SORCS3: variants seen among roughly 807,000 people sequenced by gnomAD.
SORCS3 encodes the protein sortilin related VPS10 domain containing receptor 3, also known as VPS10 domain-containing receptor SorCS3.
In SORCS3, 57 loss-of-function variants were observed where a neutral mutation model predicts 146.3. The ratio of observed to expected loss-of-function variants is 0.39; its 90% CI spans 0.31 to 0.49. The LOEUF (loss-of-function observed/expected upper bound fraction) is 0.49, where lower values mean the gene tolerates loss of function less well. Among genes scored for constraint, SORCS3 ranks in the 20% least tolerant of loss-of-function variants. The probability of loss-of-function intolerance (pLI) is 0.92; values close to 1 mark genes in which losing one functional copy is unlikely to be tolerated. For synonymous variants in SORCS3, 653 were observed against 618.5 expected (o/e 1.06, Z -0.83); for missense variants, 1,341 against 1,575.5 (o/e 0.85, Z 2.52).
intron 1 of SORCS3, among the ~76,000 whole-genome samples, chr10:104,648,774 C>T (rs2015525720): frequency 6.6e-6 from 1 of 152,110 alleles, no homozygotes; most frequent in Non-Finnish European, 1.5e-5. Context: ...GTTTATAGTA[C>T]ACTAATAAAT....
intron 20 of SORCS3, among the ~76,000 whole-genome samples, chr10:105,239,644 T>G (rs2119710979): frequency 6.6e-6 from 1 of 152,318 alleles, no homozygotes; most frequent in Middle Eastern, 3.4e-3. Flanking sequence ...CCCTGTGGGC[T>G]GGCTCTGTAG....
chr10:104,769,964 G>T (rs1218888072), intron 1 of SORCS3, among the ~76,000 whole-genome samples: 4 of 152,106 alleles, frequency 2.6e-5, no homozygotes, highest in African/African-American at 9.7e-5. Flanking sequence ...GCCCGAGAGC[G>T]AAACAGGCTC....
At chr10:104,968,648 G>T (rs937746228) in intron 3 of SORCS3, among the ~76,000 whole-genome samples, 2 of 152,128 alleles carry the variant, frequency 1.3e-5, no homozygotes, top group African/African-American at 2.4e-5. Flanking sequence ...TGGGATCTCT[G>T]TCCTGTTCGT....
At chr10:104,711,892 T>G (rs1020937003) in intron 1 of SORCS3, among the ~76,000 whole-genome samples, 2 of 151,278 alleles carry the variant, frequency 1.3e-5, no homozygotes, top group East Asian at 3.9e-4. Flanking sequence ...GGAAGGGAAG[T>G]GAAGGAGGAT....
intron 5 of SORCS3, among the ~76,000 whole-genome samples, chr10:105,050,426 A>C (rs2055402779): frequency 1.3e-5 from 2 of 152,244 alleles, no homozygotes; most frequent in South Asian, 4.1e-4. Context: ...TGAGAGCCCC[A>C]TGTGTCAAGG....
intron 4 of SORCS3, among the ~76,000 whole-genome samples, chr10:105,019,935 T>G (rs1209361715): frequency 6.6e-6 from 1 of 152,216 alleles, no homozygotes; most frequent in East Asian, 1.9e-4. Context: ...ATGATTCTCT[T>G]CTGTATTAAA....
intron 1 of SORCS3, among the ~76,000 whole-genome samples, chr10:104,680,077 GATTC>G (rs2015953441): frequency 6.6e-6 from 1 of 152,170 alleles, no homozygotes; most frequent in Non-Finnish European, 1.5e-5. Context: ...GGACCGGCTG[GATTC>G]ATTCATTCAT....
chr10:105,228,568 T>A (rs868301056), intron 20 of SORCS3, among the ~76,000 whole-genome samples: 12 of 152,244 alleles, frequency 7.9e-5, no homozygotes, highest in Middle Eastern at 3.4e-3. Flanking sequence ...GCTTTGCTTG[T>A]CTGGGAAATA....
chr10:105,238,777 A>G (rs910084518), intron 20 of SORCS3, among the ~76,000 whole-genome samples: 3 of 152,178 alleles, frequency 2.0e-5, no homozygotes, highest in Non-Finnish European at 4.4e-5. Context: ...ATGTTTGTGT[A>G]TCTGTATTTG....
intron 5 of SORCS3, among the ~76,000 whole-genome samples, chr10:105,056,322 C>A (rs967541943): frequency 5.3e-5 from 8 of 152,176 alleles, no homozygotes; most frequent in Non-Finnish European, 8.8e-5. Context: ...TCAGTAAGTG[C>A]CTTCTGCACC....
At chr10:105,234,841 C>G (rs2056784063) in intron 20 of SORCS3, among the ~76,000 whole-genome samples, 1 of 152,008 alleles carries the variant, frequency 6.6e-6, no homozygotes, top group Admixed American at 6.6e-5. Flanking sequence ...CTGGTCATTG[C>G]AACATCCCTG....
At chr10:104,792,518 C>A (rs370676986) in intron 1 of SORCS3, among the ~76,000 whole-genome samples, 1 of 152,268 alleles carries the variant, frequency 6.6e-6, no homozygotes, top group South Asian at 2.1e-4. Flanking sequence ...GTGTTTTATT[C>A]CCCTTGGATT....
chr10:104,976,448 T>C (rs528898355), intron 3 of SORCS3, among the ~76,000 whole-genome samples: 28 of 152,214 alleles, frequency 1.8e-4, no homozygotes, highest in Admixed American at 3.3e-4. Context: ...TAGGAACACT[T>C]TTACACTGTT....
chr10:105,233,413 T>A (rs1009837130), intron 20 of SORCS3, among the ~76,000 whole-genome samples: 3 of 152,192 alleles, frequency 2.0e-5, no homozygotes, highest in African/African-American at 7.2e-5. Context: ...TTTTCTTTCT[T>A]TTTTTAATTA....
intron 5 of SORCS3, among the ~76,000 whole-genome samples, chr10:105,061,305 T>A (rs1453576893): frequency 6.6e-6 from 1 of 150,772 alleles, no homozygotes; most frequent in East Asian, 2.0e-4. Context: ...CTTTTTTTTT[T>A]TTTTTTTGAG....
Position 104,963,725 on chromosome 10 carries a change from G to A in SORCS3, c.796-13610G>A, listed in dbSNP as rs955516153. On this transcript the variant is annotated intron_variant, in intron 3 of 26. Coordinates refer to ENST00000369701, the MANE Select transcript of SORCS3 (RefSeq NM_014978.3). ...ACGTCTCTGTTTGGATGTGTATTAAGCATTTCAAAACCAAATTCTTTATTT... is the reference window on the plus strand; with the variant it reads ...ACGTCTCTGTTTGGATGTGTATTAAACATTTCAAAACCAAATTCTTTATTT... 5.9e-5 allele frequency among the ~76,000 whole-genome samples: 9 copies of A among 152,166 alleles called. No homozygotes were observed. In the South Asian group the frequency reaches 1.9e-3, roughly 32 times the overall value.
At chr10:104,761,144 A>T (rs1323026293) in intron 1 of SORCS3, among the ~76,000 whole-genome samples, 1 of 152,188 alleles carries the variant, frequency 6.6e-6, no homozygotes, top group African/African-American at 2.4e-5. Flanking sequence ...CAAGTGGTAG[A>T]TGATTTCCTG....
At chr10:104,858,055 C>G (rs1472012117) in intron 2 of SORCS3, among the ~76,000 whole-genome samples, 2 of 152,140 alleles carry the variant, frequency 1.3e-5, no homozygotes, top group Non-Finnish European at 2.9e-5. Context: ...AATTGAGATA[C>G]TTTAAAGGGT....
chr10:104,873,544 G>T, intron 2 of SORCS3, among the ~76,000 whole-genome samples: 1 of 152,188 alleles, frequency 6.6e-6, no homozygotes, highest in Non-Finnish European at 1.5e-5. Flanking sequence ...TTTTTATAGT[G>T]GAAACAATTG....
Sources: gnomAD v4.1 joint callset for allele counts (sites outside exome capture counted in the v4.1 genomes callset) on GRCh38, gnomAD v4.1.1 for gene constraint, MANE v1.5 for transcripts, NCBI Gene and HGNC (gene_info 2026-07-23, HGNC 2026-07-21) for gene names.